Variants in GDA observed in about 807,000 individuals in gnomAD.
GDA encodes guanine deaminase, also known as cytoplasmic PSD-95 interactor.
A neutral mutation model predicts 59.6 loss-of-function variants in GDA; 18 were observed. That is an observed-to-expected ratio of 0.30 (90% CI 0.21 to 0.45). GDA has a LOEUF of 0.45. GDA is among the 20% of genes least tolerant of loss of function. The pLI, the probability that GDA is intolerant of heterozygous loss-of-function variation, is 1.00. For synonymous variants in GDA, 201 were observed against 201.1 expected (o/e 1.00, Z 0.00); for missense variants, 427 against 552.3 (o/e 0.77, Z 2.27).
chr9:72,127,413 C>T (rs57541642), intron 1 of GDA, among the ~76,000 whole-genome samples: 3 of 151,690 alleles, frequency 2.0e-5, no homozygotes, highest in East Asian at 1.9e-4. Context: ...CGGAGGTGGG[C>T]GGATCATGAG....
At chr9:72,207,620 G>A (rs1834875548) in intron 3 of GDA, among the ~76,000 whole-genome samples, 1 of 152,124 alleles carries the variant, frequency 6.6e-6, no homozygotes, top group South Asian at 2.1e-4. Flanking sequence ...CATGGTATTG[G>A]CTTTCCACCT....
At chr9:72,241,527 AT>A (rs768490826) in intron 11 of GDA, among the ~76,000 whole-genome samples, 14 of 152,300 alleles carry the variant, frequency 9.2e-5, no homozygotes, top group Non-Finnish European at 2.1e-4. Flanking sequence ...AGACACAGTT[AT>A]CATATTAATT....
At chr9:72,184,312 T>C (rs1269224023) in intron 1 of GDA, among the ~76,000 whole-genome samples, 2 of 152,226 alleles carry the variant, frequency 1.3e-5, no homozygotes, top group Non-Finnish European at 2.9e-5. Context: ...ACCATTATAG[T>C]ATCATAGAGA....
chr9:72,169,942 C>T (rs895004347), intron 1 of GDA, among the ~76,000 whole-genome samples: 3 of 152,196 alleles, frequency 2.0e-5, no homozygotes, highest in Admixed American at 2.0e-4. Context: ...GCTCTGAGGA[C>T]AGATAATGGT....
At chr9:72,144,565 T>C (rs1049137937), upstream of GDA, among the ~76,000 whole-genome samples, 28 of 152,308 alleles carry the variant, frequency 1.8e-4, no homozygotes, top group African/African-American at 6.3e-4. Context: ...CCAATAAATA[T>C]TTGTTAAGTG....
At chr9:72,173,389 G>C (rs1259620501) in intron 1 of GDA, among the ~76,000 whole-genome samples, 1 of 150,432 alleles carries the variant, frequency 6.6e-6, no homozygotes. Context: ...GGGGTGCAAT[G>C]GTGCGATCTC....
intron 1 of GDA, among the ~76,000 whole-genome samples, chr9:72,187,508 C>T (rs1219172436): frequency 6.6e-6 from 1 of 152,202 alleles, no homozygotes; most frequent in East Asian, 1.9e-4. Flanking sequence ...ACCCATTTTG[C>T]TCTTTATACA....
upstream of GDA, among the ~76,000 whole-genome samples, chr9:72,147,568 A>G (rs1826701795): frequency 6.6e-6 from 1 of 152,126 alleles, no homozygotes; most frequent in African/African-American, 2.4e-5. Flanking sequence ...TAATAACTGT[A>G]TAATGTTCTA....
downstream of GDA, among the ~76,000 whole-genome samples, chr9:72,253,810 T>C (rs1324342807): frequency 6.6e-6 from 1 of 152,138 alleles, no homozygotes; most frequent in African/African-American, 2.4e-5. Flanking sequence ...GTGCAAATTA[T>C]TGCATGGTAC....
intron 10 of GDA, among the ~76,000 whole-genome samples, chr9:72,233,275 T>G (rs906295306): frequency 1.1e-4 from 16 of 152,202 alleles, no homozygotes; most frequent in African/African-American, 3.9e-4. Context: ...ACATGAAATT[T>G]AACAGAAATA....
intron 1 of GDA, among the ~76,000 whole-genome samples, chr9:72,133,154 G>A (rs937517801): frequency 2.0e-5 from 3 of 151,582 alleles, no homozygotes; most frequent in Non-Finnish European, 2.9e-5. Context: ...GCCAGCCATG[G>A]TAGTGCATGC....
At position 72,251,545 on chromosome 9, in the gene GDA, A is replaced by C. The variant is rs1412731772; in HGVS notation, c.*3203A>C. On this transcript the variant is annotated 3_prime_UTR_variant, in exon 14 of 14. Coordinates refer to ENST00000358399, the MANE Select transcript of GDA (RefSeq NM_004293.5). ...TGGAAACATTCACACGCTTAAAAGC[A>C]ATGGTGTGAGTTATTAATGGGTAAA... 6.6e-6 allele frequency: 1 copy of C among 152,162 alleles called. No individual in the cohort carries two copies. Among genetic ancestry groups the C allele is most frequent in the East Asian group, 1.9e-4 (1 of 5,202 alleles). The allele number at this position is 152,162 out of a possible 1,614,324, so 9.4% of individuals were successfully genotyped here.
intron 10 of GDA, among the ~76,000 whole-genome samples, chr9:72,235,402 G>T (rs1838861089): frequency 6.6e-6 from 1 of 152,152 alleles, no homozygotes; most frequent in Admixed American, 6.5e-5. Context: ...TGCCAAGGAA[G>T]AATTTTCCAA....
chr9:72,165,889 C>A (rs1303978937), intron 1 of GDA, among the ~76,000 whole-genome samples: 1 of 149,642 alleles, frequency 6.7e-6, no homozygotes, highest in Non-Finnish European at 1.5e-5. Context: ...CAGAGCAAGA[C>A]TCTGTCTCAA....
At chr9:72,172,961 T>C (rs1400676758) in intron 1 of GDA, among the ~76,000 whole-genome samples, 2 of 152,186 alleles carry the variant, frequency 1.3e-5, no homozygotes, top group African/African-American at 2.4e-5. Flanking sequence ...TGTACTTTAG[T>C]GGGGAGACAA....
At chr9:72,211,716 C>T (rs930003892) in intron 4 of GDA, among the ~76,000 whole-genome samples, 2 of 152,136 alleles carry the variant, frequency 1.3e-5, no homozygotes, top group Non-Finnish European at 2.9e-5. Flanking sequence ...AAACTGTCTT[C>T]TAGATAGGGG....
At chr9:72,231,285 A>AG in intron 10 of GDA, 104 bp downstream of exon 10, 1 of 641,640 alleles carries the variant, frequency 1.6e-6, no homozygotes, top group Admixed American at 2.3e-5. Flanking sequence ...AAAAAAAAAA[A>AG]TTAGTTTTGG....
At chr9:72,245,102 T>C (rs745402869) in intron 11 of GDA, 46 bp from the exon 12 acceptor site, 1 of 1,602,998 alleles carries the variant, frequency 6.2e-7, no homozygotes. Flanking sequence ...ATTAGTGTGG[T>C]CTGATGGCTT....
At chr9:72,207,051 C>T (rs1449347338) in intron 3 of GDA, among the ~76,000 whole-genome samples, 1 of 151,874 alleles carries the variant, frequency 6.6e-6, no homozygotes, top group African/African-American at 2.4e-5. Context: ...TCATTTCTTT[C>T]TAGTTAATTT....
Sources: allele counts gnomAD v4.1 joint callset (sites outside exome capture counted in the v4.1 genomes callset), GRCh38; gene constraint gnomAD v4.1.1; transcripts MANE v1.5; gene names NCBI Gene and HGNC (gene_info 2026-07-23, HGNC 2026-07-21).